NKAIN3: variants seen among roughly 807,000 people sequenced by gnomAD.
NKAIN3 encodes the protein sodium/potassium-transporting ATPase subunit beta-1-interacting protein 3.
NKAIN3 carries 25 observed loss-of-function variants against 30.2 expected under a neutral mutation model. That is an observed-to-expected ratio of 0.83 (90% confidence interval 0.60 to 1.16). The LOEUF (loss-of-function observed/expected upper bound fraction) is 1.16. Ranked by LOEUF, NKAIN3 falls within the 50% of genes most tolerant of loss-of-function variation. The probability of loss-of-function intolerance (pLI) is 0.00; values close to 1 mark genes in which losing one functional copy is unlikely to be tolerated. For missense variants in NKAIN3, 225 were observed against 254.1 expected (o/e 0.89, Z 0.78); for synonymous variants, 91 against 89.6 (o/e 1.02, Z -0.09).
intron 4 of NKAIN3, among the ~76,000 whole-genome samples, chr8:62,804,491 T>C (rs1171953493): frequency 1.3e-5 from 2 of 152,196 alleles, no homozygotes; most frequent in African/African-American, 4.8e-5. Context: ...CAAGGCTGGT[T>C]CAATATACGC....
intron 1 of NKAIN3, among the ~76,000 whole-genome samples, chr8:62,302,387 G>C (rs1814079396): frequency 6.6e-6 from 1 of 152,058 alleles, no homozygotes; most frequent in South Asian, 2.1e-4. Context: ...TCAAAGACTA[G>C]ACATCGTTTC....
chr8:62,488,078 C>A (rs978356723), intron 1 of NKAIN3, among the ~76,000 whole-genome samples: 7 of 152,182 alleles, frequency 4.6e-5, no homozygotes, highest in African/African-American at 7.2e-5. Context: ...TTAGACATTG[C>A]ATCTTTAAAC....
At chr8:62,620,812 T>C (rs1245446715) in intron 3 of NKAIN3, among the ~76,000 whole-genome samples, 2 of 152,172 alleles carry the variant, frequency 1.3e-5, no homozygotes, top group Non-Finnish European at 2.9e-5. Flanking sequence ...CAGGAAAGGC[T>C]GACATTTCCC....
chr8:62,438,256 T>A (rs906511131), intron 1 of NKAIN3, among the ~76,000 whole-genome samples: 1 of 152,242 alleles, frequency 6.6e-6, no homozygotes, highest in African/African-American at 2.4e-5. Context: ...TGTAAATTTT[T>A]CACAGGTAAA....
At chr8:62,908,145 A>T (rs1821834887) in intron 4 of NKAIN3, among the ~76,000 whole-genome samples, 1 of 152,134 alleles carries the variant, frequency 6.6e-6, no homozygotes, top group East Asian at 1.9e-4. Context: ...AAAGGAGATC[A>T]TTTTGGCGCT....
At chr8:62,604,921 C>T (rs1404611111) in intron 3 of NKAIN3, among the ~76,000 whole-genome samples, 1 of 152,058 alleles carries the variant, frequency 6.6e-6, no homozygotes, top group Non-Finnish European at 1.5e-5. Context: ...TCTATTCCCG[C>T]TTCTTCTGGT....
At chr8:62,807,554 TG>T (rs1441172357) in intron 4 of NKAIN3, among the ~76,000 whole-genome samples, 1 of 114,768 alleles carries the variant, frequency 8.7e-6, no homozygotes, top group African/African-American at 2.9e-5. Flanking sequence ...TATTCTTTTC[TG>T]GTTTTTTTTT....
chr8:62,292,958 T>C (rs1813699810), intron 1 of NKAIN3, among the ~76,000 whole-genome samples: 1 of 152,168 alleles, frequency 6.6e-6, no homozygotes, highest in Admixed American at 6.5e-5. Context: ...TAAACTTGTC[T>C]TCTCACTTCA....
intron 4 of NKAIN3, among the ~76,000 whole-genome samples, chr8:62,831,664 G>T (rs1375964916): frequency 6.6e-6 from 1 of 151,876 alleles, no homozygotes; most frequent in Non-Finnish European, 1.5e-5. Flanking sequence ...AACTAACCCA[G>T]TTAGCTAAAA....
intron 4 of NKAIN3, among the ~76,000 whole-genome samples, chr8:62,766,609 C>A (rs1394563303): frequency 6.6e-6 from 1 of 152,086 alleles, no homozygotes; most frequent in Non-Finnish European, 1.5e-5. Context: ...GATCCCAGGA[C>A]ACACAAGTGA....
downstream of NKAIN3, among the ~76,000 whole-genome samples, chr8:62,989,294 T>A (rs1031268909): frequency 1.3e-5 from 2 of 152,200 alleles, no homozygotes; most frequent in Admixed American, 1.3e-4. Context: ...TAGTCTGTTC[T>A]CACTCTACTA....
chr8:62,488,431 TC>T (rs1399830933), intron 1 of NKAIN3, among the ~76,000 whole-genome samples: 1 of 152,222 alleles, frequency 6.6e-6, no homozygotes, highest in Non-Finnish European at 1.5e-5. Flanking sequence ...ATGTAACTGT[TC>T]ATTGCCCCAT....
intron 4 of NKAIN3, among the ~76,000 whole-genome samples, chr8:62,799,075 T>C (rs1042116399): frequency 6.6e-6 from 1 of 152,200 alleles, no homozygotes; most frequent in African/African-American, 2.4e-5. Context: ...GTTAAATGTT[T>C]TCTTTATCAA....
At chr8:62,301,189 A>C (rs1342030668) in intron 1 of NKAIN3, among the ~76,000 whole-genome samples, 2 of 150,350 alleles carry the variant, frequency 1.3e-5, no homozygotes, top group African/African-American at 5.0e-5. Context: ...AATCATTCTA[A>C]TATTCACTTG....
At chr8:62,510,775 G>A (rs563288774) in intron 1 of NKAIN3, among the ~76,000 whole-genome samples, 67 of 152,142 alleles carry the variant, frequency 4.4e-4, no homozygotes, top group African/African-American at 1.5e-3. Context: ...ATCATATTAT[G>A]GGTAAACTGG....
chr8:62,852,208 A>G (rs534800615), intron 4 of NKAIN3, among the ~76,000 whole-genome samples: 1 of 152,112 alleles, frequency 6.6e-6, no homozygotes, highest in Non-Finnish European at 1.5e-5. Context: ...TGAGGAATTT[A>G]TCCATTTCTT....
intron 1 of NKAIN3, among the ~76,000 whole-genome samples, chr8:62,577,466 G>T (rs979206869): frequency 4.1e-4 from 49 of 118,450 alleles, no homozygotes; most frequent in East Asian, 8.9e-4. Context: ...TTTTTTTGTT[G>T]TTTTTTTTTT....
chr8:62,923,647 G>C (rs1822347150), intron 5 of NKAIN3, among the ~76,000 whole-genome samples: 1 of 152,172 alleles, frequency 6.6e-6, no homozygotes, highest in South Asian at 2.1e-4. Flanking sequence ...AGACACTGCT[G>C]AGAAAACAGG....
intron 4 of NKAIN3, chr8:62,855,550 C>A (rs1820036515): frequency 1.3e-6 from 2 of 1,528,446 alleles, no homozygotes; most frequent in East Asian, 4.5e-5. Context: ...ACTCAACCAC[C>A]AGGGAGTCCA....
Sources: allele counts gnomAD v4.1 joint callset (sites outside exome capture counted in the v4.1 genomes callset), GRCh38; gene constraint gnomAD v4.1.1; transcripts MANE v1.5; gene names NCBI Gene and HGNC (gene_info 2026-07-23, HGNC 2026-07-21).